Variants in TECTA observed in about 807,000 individuals in gnomAD.
The protein encoded by TECTA is alpha-tectorin.
A neutral mutation model predicts 216.8 loss-of-function variants in TECTA; 128 were observed. The observed-to-expected ratio is 0.59, with a 90% CI of 0.51 to 0.68. The LOEUF (loss-of-function observed/expected upper bound fraction) is 0.68. TECTA is among the 30% of genes least tolerant of loss of function. The probability of loss-of-function intolerance (pLI) is 0.00; values close to 1 mark genes in which losing one functional copy is unlikely to be tolerated. For missense variants in TECTA, 2,551 were observed against 2,786.2 expected (o/e 0.92, Z 1.90); for synonymous variants, 1,089 against 1,117.1 (o/e 0.97, Z 0.50).
chr11:121,109,072 C>T (rs959930108), intron 3 of TECTA, 139 bp from the exon 4 acceptor site: 1 of 891,906 alleles, frequency 1.1e-6, no homozygotes. Context: ...AGCAATGGAA[C>T]CCGGTGTTTG....
At chr11:121,106,595 C>T (rs946689958) in intron 3 of TECTA, among the ~76,000 whole-genome samples, 2 of 152,114 alleles carry the variant, frequency 1.3e-5, no homozygotes, top group Non-Finnish European at 2.9e-5. Context: ...GCTAGCGAAA[C>T]TGTGGCACAT....
chr11:121,183,617 C>G (rs373554148), intron 20 of TECTA, among the ~76,000 whole-genome samples: 2 of 152,104 alleles, frequency 1.3e-5, no homozygotes, highest in Non-Finnish European at 1.5e-5. Flanking sequence ...CTTTGATGCT[C>G]TATTCAACTT....
At position 121,160,320 on chromosome 11, in the gene TECTA, C is replaced by A; in HGVS notation, c.4875C>A (p.Phe1625Leu). 1 of 1,614,150 alleles carries A rather than the reference C, an allele frequency of 6.2e-7. No homozygotes were observed. The highest frequency in any genetic ancestry group is 8.5e-7 in the Non-Finnish European group (1 of 1,180,044). The change falls in exon 15 of 24, where the codon TTC (phenylalanine) becomes TTA (leucine). Residue 1625 changes from phenylalanine to leucine, a missense_variant. Around this residue, in one of 3 missense-constraint regions of TECTA, gnomAD observed 2,375 missense variants for 2,563.9 expected, o/e 0.93. Coordinates refer to ENST00000392793, the MANE Select transcript of TECTA (RefSeq NM_005422.4). Reference protein sequence around the residue: ...QNKVCGLCGNFNGDLTDDYVT... With the variant: ...QNKVCGLCGNLNGDLTDDYVT... ...AAGTGTGCGGTCTCTGTGGCAACTT[C>A]AACGGGGACCTAACAGATGATTATG...
chr11:121,178,826 A>G (rs1300927171), intron 20 of TECTA, among the ~76,000 whole-genome samples: 3 of 152,080 alleles, frequency 2.0e-5, no homozygotes, highest in Non-Finnish European at 4.4e-5. Context: ...CAACCTTGGT[A>G]GGTTGTATGT....
chr11:121,186,156 C>T (rs1947284593), intron 20 of TECTA, among the ~76,000 whole-genome samples: 2 of 148,800 alleles, frequency 1.3e-5, no homozygotes, highest in Non-Finnish European at 1.5e-5. Context: ...ATGTTCAATG[C>T]TTAATGAATG....
At chr11:121,147,078 G>C (rs992047565) in intron 12 of TECTA, among the ~76,000 whole-genome samples, 1 of 152,076 alleles carries the variant, frequency 6.6e-6, no homozygotes, top group Non-Finnish European at 1.5e-5. Flanking sequence ...GGAAAAACTT[G>C]TGGGGGTGGG....
Position 121,105,733 on chromosome 11 carries a change from C to A in TECTA, c.65-98C>A, listed in dbSNP as rs1427184033. 4 of 1,500,494 alleles carry A rather than the reference C, an allele frequency of 2.7e-6. No individual in the cohort carries two copies. The highest frequency in any genetic ancestry group is 2.7e-5 in the African/African-American group (2 of 72,770). The allele number at this position is 1,500,494 out of a possible 1,614,324, so 92.9% of individuals were successfully genotyped here. On this transcript the variant is annotated intron_variant, in intron 2 of 23. Transcript: ENST00000392793. The surrounding 1 kb of genome is among the most constrained non-coding windows in gnomAD (Gnocchi z 5.3). ...GTATGACTTGCATTCAGCTTGCAAGCCCTACTGAAAGAAGCTGGCTTCAGT... is the reference window on the plus strand; with the variant it reads ...GTATGACTTGCATTCAGCTTGCAAGACCTACTGAAAGAAGCTGGCTTCAGT...
At chr11:121,186,391 G>GC (rs772923440) in intron 20 of TECTA, among the ~76,000 whole-genome samples, 99 of 152,338 alleles carry the variant, frequency 6.5e-4, no homozygotes, top group Admixed American at 1.0e-3. Flanking sequence ...AGATTCTAGT[G>GC]CTTGGCGTCT....
chr11:121,125,263 A>C, intron 7 of TECTA, 39 bp from the exon 8 acceptor site: 1 of 1,597,752 alleles, frequency 6.3e-7, no homozygotes, highest in Non-Finnish European at 8.5e-7. Flanking sequence ...GTGCCTGGGC[A>C]CCTGCTCACC....
In TECTA at chr11:121,129,747, A is replaced by G. The variant is rs775457603; in HGVS notation, c.2477A>G (p.Gln826Arg). 8 of 1,614,136 alleles carry G rather than the reference A, an allele frequency of 5.0e-6. No homozygotes were observed. The South Asian group carries it at 6.6e-5, about 13-fold the overall frequency. Residue 826 changes from glutamine (Q) to arginine (R), a missense_variant, in exon 10 of 24, where the codon CAG (glutamine) becomes CGG (arginine). By Grantham distance (43) the Gln-to-Arg change is conservative. This residue lies in a region of TECTA where 2,375 missense variants were observed against 2,563.9 expected (regional missense o/e 0.93). Transcript: ENST00000392793. ...GAGTCCAAGGGCGTGGTGACTGTCC[A>G]GTACTCAGACATAGGTCTATTGTAC... ...TVESKGVVTVQYSDIGLLYIR... is the reference protein window; with the variant it reads ...TVESKGVVTVRYSDIGLLYIR...
At chr11:121,120,077 G>A (rs542473493) in intron 7 of TECTA, among the ~76,000 whole-genome samples, 4 of 152,248 alleles carry the variant, frequency 2.6e-5, no homozygotes, top group South Asian at 2.1e-4. Context: ...GGGATGATGT[G>A]TATATCAGTA....
intron 20 of TECTA, among the ~76,000 whole-genome samples, chr11:121,183,549 T>G (rs1947251983): frequency 6.6e-6 from 1 of 152,154 alleles, no homozygotes; most frequent in South Asian, 2.1e-4. Context: ...TTTGTTTCCC[T>G]TTATTTTCAT....
At chr11:121,188,645 C>T (rs1947311608) in intron 21 of TECTA, among the ~76,000 whole-genome samples, 1 of 152,210 alleles carries the variant, frequency 6.6e-6, no homozygotes, top group African/African-American at 2.4e-5. Flanking sequence ...TTTGATTGCA[C>T]CAATACCTGG....
At position 121,127,478 on chromosome 11, in the gene TECTA, G is replaced by C. The variant is rs1028450471; in HGVS notation, c.1775-274G>C. On this transcript the variant is annotated intron_variant, in intron 8 of 23. Transcript: ENST00000392793. This position sits in a 1 kb window ranked among gnomAD's most constrained non-coding sequence, Gnocchi z 5.0. ...ATAATAAACCTATATTGGGTAATCAGTAGTCTAGAAAGGATGGCATCCTGA... is the reference window on the plus strand; with the variant it reads ...ATAATAAACCTATATTGGGTAATCACTAGTCTAGAAAGGATGGCATCCTGA... 1.3e-5 allele frequency among the ~76,000 whole-genome samples: 2 copies of C among 152,118 alleles called. No individual in the cohort carries two copies. The highest frequency in any genetic ancestry group is 2.9e-5 in the Non-Finnish European group (2 of 68,026).
At chr11:121,123,230 G>A (rs1265703403) in intron 7 of TECTA, among the ~76,000 whole-genome samples, 2 of 152,184 alleles carry the variant, frequency 1.3e-5, no homozygotes, top group East Asian at 1.9e-4. Flanking sequence ...CAGCCCATGA[G>A]CATGGATGTC....
chr11:121,108,742 C>T (rs1946414932), intron 3 of TECTA, among the ~76,000 whole-genome samples: 1 of 148,630 alleles, frequency 6.7e-6, no homozygotes, highest in Non-Finnish European at 1.5e-5. Context: ...CACACTTACA[C>T]ACCTCACCCC....
rs748680106 is a variant in TECTA at position 121,127,066 on chromosome 11, C to T, written c.1775-686C>T. 4.6e-5 allele frequency among the ~76,000 whole-genome samples: 7 copies of T among 152,190 alleles called. No individual in the cohort carries two copies. Among genetic ancestry groups the T allele is most frequent in the Non-Finnish European group, 8.8e-5 (6 of 68,040 alleles). On this transcript the variant is annotated intron_variant, in intron 8 of 23. Transcript: ENST00000392793. This position sits in a 1 kb window ranked among gnomAD's most constrained non-coding sequence, Gnocchi z 5.0. ...CTTGTTGGATTCAACCAGACTCAAA[C>T]ATTTATGTAGACCCAGATGTTATTA... is the stretch of plus-strand genomic sequence containing the variant.
chr11:121,125,087 C>T (rs572004299), intron 7 of TECTA, among the ~76,000 whole-genome samples: 78 of 152,386 alleles, frequency 5.1e-4, no homozygotes, highest in African/African-American at 1.9e-3. Flanking sequence ...AATCACAGCC[C>T]ATATACACAG....
intron 12 of TECTA, among the ~76,000 whole-genome samples, chr11:121,152,468 TGAA>T (rs1946899808): frequency 6.6e-6 from 1 of 152,184 alleles, no homozygotes. Context: ...GCTGAGAGGA[TGAA>T]GAAGGGCATG....
Sources: gnomAD v4.1 joint callset for allele counts (sites outside exome capture counted in the v4.1 genomes callset) on GRCh38, gnomAD v4.1.1 for gene constraint, gnomAD v4.1.1 regional missense constraint, Gnocchi (gnomAD v3.1) non-coding constraint, MANE v1.5 for transcripts, NCBI Gene and HGNC (gene_info 2026-07-23, HGNC 2026-07-21) for gene names.